Variants in TLN2 observed in about 807,000 individuals in gnomAD.
TLN2 encodes talin-2.
In TLN2, 118 loss-of-function variants were observed where a neutral mutation model predicts 294.7. That is an observed-to-expected ratio of 0.40 (90% CI 0.34 to 0.47). The LOEUF (loss-of-function observed/expected upper bound fraction) is 0.47, where lower values mean the gene tolerates loss of function less well. TLN2 is among the 20% of genes least tolerant of loss of function. The pLI is 0.84. For synonymous variants in TLN2, 1,431 were observed against 1,304.5 expected, an observed-to-expected ratio of 1.10 and a Z score of -2.09; for missense variants, 3,083 against 3,282.2, an observed-to-expected ratio of 0.94 and a Z score of 1.48.
chr15:62,597,306 G>T (rs933755496), intron 2 of TLN2, among the ~76,000 whole-genome samples: 1 of 152,178 alleles, frequency 6.6e-6, no homozygotes, highest in African/African-American at 2.4e-5. Context: ...TTAAAAACCA[G>T]TAAGTGGTAT....
At chr15:62,780,333 T>C (rs900477998) in intron 43 of TLN2, among the ~76,000 whole-genome samples, 1 of 152,224 alleles carries the variant, frequency 6.6e-6, no homozygotes, top group African/African-American at 2.4e-5. Flanking sequence ...ATTATGGTCA[T>C]TCTCTCCTCT....
chr15:62,593,915 A>G lies in TLN2; in HGVS notation c.-162+4153A>G, dbSNP rs562808571. On this transcript the variant is annotated intron_variant, in intron 2 of 58. Transcript: ENST00000636159. ...AAATCCTGCTGCTGTGATGTAAACA[A>G]TGATCTTATGGAGGATCTTTTATTT... Among the ~76,000 whole-genome samples the G allele has an allele frequency of 1.1e-4, 17 of 152,376 alleles. No homozygotes were observed. The South Asian group carries it at 3.3e-3, about 30-fold the overall frequency.
intron 51 of TLN2, among the ~76,000 whole-genome samples, chr15:62,806,432 G>A (rs939884541): frequency 2.6e-5 from 4 of 152,198 alleles, no homozygotes; most frequent in African/African-American, 9.7e-5. Context: ...AATGGAAAAT[G>A]TTTGCTCTTC....
Position 62,800,776 on chromosome 15 carries a change from A to G in TLN2, c.6477+7A>G, listed in dbSNP as rs1318252859. On this transcript the variant is annotated splice_region_variant and intron_variant, in intron 50 of 58. Transcript: ENST00000636159. The stretch of plus-strand genomic sequence containing the variant: ...CATAAAGCAGGAGCTTACGGTAAGG[A>G]GCCAGCAGTTACCTCCCTTGGGTAC... The G allele has an allele frequency of 1.2e-6, 2 of 1,606,920 alleles. No homozygotes were observed. The highest frequency in any genetic ancestry group is 2.7e-5 in the African/African-American group (2 of 74,850).
intron 1 of TLN2, among the ~76,000 whole-genome samples, chr15:62,531,142 C>T (rs1221635101): frequency 6.6e-6 from 1 of 152,188 alleles, no homozygotes; most frequent in Non-Finnish European, 1.5e-5. Context: ...CATTGCAGAG[C>T]TATTCACAAT....
intron 46 of TLN2, 152 bp downstream of exon 46, chr15:62,792,939 C>CA (rs2065180558): frequency 1.6e-6 from 2 of 1,282,498 alleles, no homozygotes; most frequent in African/African-American, 1.5e-5. Flanking sequence ...CAGGTTCTCC[C>CA]AAAAATGGGG....
chr15:62,837,818 T>G (rs1567720959), intron 57 of TLN2, among the ~76,000 whole-genome samples: 1 of 152,208 alleles, frequency 6.6e-6, no homozygotes, highest in East Asian at 1.9e-4. Flanking sequence ...GTGCAAGCCC[T>G]CATAGTTTGC....
In TLN2 at chr15:62,482,471, G is replaced by T. The variant is rs190256284; in HGVS notation, c.-238+91786G>T. On this transcript the variant is annotated intron_variant, in intron 1 of 58. Transcript: ENST00000636159. ...TACAAAATTAGCCAGGCATGGTGGC[G>T]CATGCCTGTAATCCCAGCTACTCAG... is the stretch of plus-strand genomic sequence containing the variant. Among the ~76,000 whole-genome samples the T allele has an allele frequency of 2.5e-3, 378 of 151,710 alleles. 2 individuals are homozygous for T. Among genetic ancestry groups the T allele is most frequent in the African/African-American group, 8.8e-3 (363 of 41,378 alleles).
rs1455593706 is a variant in TLN2 at position 62,841,673 on chromosome 15, TCACATAA to T, written c.*1064_*1070del. 1 of 151,046 alleles carries T rather than the reference TCACATAA, an allele frequency of 6.6e-6. No individual in the cohort carries two copies. The highest frequency in any genetic ancestry group is 2.5e-5 in the African/African-American group (1 of 40,338). The allele number at this position is 151,046 out of a possible 1,614,324, so 9.4% of individuals were successfully genotyped here. On this transcript the variant is annotated 3_prime_UTR_variant, in exon 59 of 59. Coordinates refer to ENST00000636159, the MANE Select transcript of TLN2 (RefSeq NM_015059.3). Reference sequence around the variant, plus strand: ...TTTAACAAGATAGTTTTACTTATTATCACATAAGACATAAGATGTTTTCATTTTCTGG... The same window carrying T: ...TTTAACAAGATAGTTTTACTTATTATGACATAAGATGTTTTCATTTTCTGG...
intron 1 of TLN2, among the ~76,000 whole-genome samples, chr15:62,434,386 C>G (rs895863550): frequency 2.0e-5 from 3 of 152,066 alleles, no homozygotes; most frequent in Non-Finnish European, 4.4e-5. Context: ...GTTTTATATT[C>G]CATTATAGTA....
rs1337078258 is a variant in TLN2, at chr15:62,653,236, C to G, written c.439C>G (p.Leu147Val). Residue 147 changes from leucine to valine, a missense_variant, in exon 7 of 59, where the codon CTC (leucine) becomes GTC (valine). Leu to Val is a conservative substitution (Grantham distance 32). Coordinates refer to ENST00000636159, the MANE Select transcript of TLN2 (RefSeq NM_015059.3). ...AAAGAAAGAGGAAGGAACGGGCACA[C>G]TCAAAAAAGACAGGACACTGTTACG... ...EEKKEEGTGT[L>V]KKDRTLLRDE... The G allele has an allele frequency of 7.4e-6, 12 of 1,613,256 alleles. No homozygotes were observed. The East Asian group carries it at 1.8e-4, about 24-fold the overall frequency.
intron 9 of TLN2, among the ~76,000 whole-genome samples, chr15:62,670,342 A>G (rs1408630027): frequency 2.0e-5 from 3 of 152,190 alleles, no homozygotes; most frequent in African/African-American, 7.2e-5. Context: ...GGGAGGTCAG[A>G]GGCTCTCTGC....
intron 1 of TLN2, among the ~76,000 whole-genome samples, chr15:62,508,776 C>A (rs1170003525): frequency 6.6e-6 from 1 of 152,046 alleles, no homozygotes; most frequent in African/African-American, 2.4e-5. Context: ...ATTCATGTTT[C>A]TCTATTTACG....
intron 4 of TLN2, among the ~76,000 whole-genome samples, chr15:62,649,124 G>T (rs1414369024): frequency 1.3e-5 from 2 of 152,210 alleles, no homozygotes; most frequent in Non-Finnish European, 2.9e-5. Context: ...TTACAGGCGT[G>T]AGCAACTGCG....
At chr15:62,797,554 C>T in intron 48 of TLN2, 152 bp downstream of exon 48, 1 of 938,948 alleles carries the variant, frequency 1.1e-6, no homozygotes. Context: ...AGGAGGCAGT[C>T]ATCCAAGCGA....
At chr15:62,812,109 G>A (rs531749446) in intron 52 of TLN2, among the ~76,000 whole-genome samples, 5 of 152,188 alleles carry the variant, frequency 3.3e-5, no homozygotes, top group Admixed American at 6.5e-5. Context: ...ACTTGCTAAC[G>A]GTGGGCTTGC....
chr15:62,815,696 G>C (rs749179472), intron 52 of TLN2, among the ~76,000 whole-genome samples: 1 of 152,050 alleles, frequency 6.6e-6, no homozygotes, highest in African/African-American at 2.4e-5. Context: ...TTTTTGGCTG[G>C]TTTGTATCTT....
intron 44 of TLN2, among the ~76,000 whole-genome samples, chr15:62,783,047 A>T (rs1462733821): frequency 1.3e-5 from 2 of 152,200 alleles, no homozygotes; most frequent in African/African-American, 4.8e-5. Context: ...ATTGAGATGC[A>T]TCAGTCAATG....
chr15:62,826,259 C>A lies in TLN2; in HGVS notation c.7002+5649C>A, dbSNP rs1384856649. Among the ~76,000 whole-genome samples the A allele has an allele frequency of 3.3e-5, 5 of 152,124 alleles. No individual in the cohort carries two copies. In the East Asian group the frequency reaches 9.6e-4, roughly 29 times the overall value. ...AGATTATTTCAGTGGCGTTGCTTTCCATTTTGAACACAAAAGTAAAGCAAT... is the reference window on the plus strand; with the variant it reads ...AGATTATTTCAGTGGCGTTGCTTTCAATTTTGAACACAAAAGTAAAGCAAT... On this transcript the variant is annotated intron_variant, in intron 54 of 58. Coordinates refer to ENST00000636159, the MANE Select transcript of TLN2 (RefSeq NM_015059.3).
Sources: allele counts gnomAD v4.1 joint callset (sites outside exome capture counted in the v4.1 genomes callset), GRCh38; gene constraint gnomAD v4.1.1; transcripts MANE v1.5; gene names NCBI Gene and HGNC (gene_info 2026-07-23, HGNC 2026-07-21).